Variants in GRM8 observed in about 807,000 individuals in gnomAD.
GRM8 encodes metabotropic glutamate receptor 8.
In GRM8, 47 loss-of-function variants were observed where a neutral mutation model predicts 87.2. The observed-to-expected ratio is 0.54, with a 90% CI of 0.43 to 0.69. The LOEUF (loss-of-function observed/expected upper bound fraction) is 0.69, where lower values mean the gene tolerates loss of function less well. GRM8 is among the 30% of genes least tolerant of loss of function. GRM8 has a pLI of 0.00. For missense variants in GRM8, 1,019 were observed against 1,139.2 expected (o/e 0.89, Z 1.52); for synonymous variants, 396 against 404.5 (o/e 0.98, Z 0.25).
chr7:126,993,760 A>C (rs1356299439), intron 3 of GRM8, among the ~76,000 whole-genome samples: 2 of 152,214 alleles, frequency 1.3e-5, no homozygotes, highest in African/African-American at 2.4e-5. Context: ...GAACTCAGCC[A>C]GTGCCCACAC....
chr7:126,518,495 T>A (rs979917323), intron 9 of GRM8, among the ~76,000 whole-genome samples: 5 of 152,078 alleles, frequency 3.3e-5, no homozygotes, highest in Non-Finnish European at 7.4e-5. Context: ...ATCCTTTTTC[T>A]CTTTCTGCCT....
chr7:126,709,685 A>C (rs1810903603), intron 7 of GRM8, among the ~76,000 whole-genome samples: 1 of 152,200 alleles, frequency 6.6e-6, no homozygotes, highest in South Asian at 2.1e-4. Flanking sequence ...TATCTAAAAA[A>C]TAAAATAAAT....
intron 9 of GRM8, among the ~76,000 whole-genome samples, chr7:126,453,932 T>G (rs1015376227): frequency 3.3e-5 from 5 of 151,786 alleles, no homozygotes; most frequent in Admixed American, 6.6e-5. Flanking sequence ...TTACAGGTAT[T>G]TTTGCTCATG....
At chr7:126,995,131 T>C (rs1813055296) in intron 3 of GRM8, among the ~76,000 whole-genome samples, 1 of 152,214 alleles carries the variant, frequency 6.6e-6, no homozygotes, top group South Asian at 2.1e-4. Context: ...TTCCAGACCT[T>C]ATCTAAGACC....
intron 5 of GRM8, 114 bp from the exon 6 acceptor site, chr7:126,902,793 CAT>C (rs1313090942): frequency 1.5e-6 from 1 of 675,524 alleles, no homozygotes; most frequent in Non-Finnish European, 2.3e-6. Flanking sequence ...AAACAAAACA[CAT>C]AACAAATGAG....
intron 3 of GRM8, among the ~76,000 whole-genome samples, chr7:127,065,467 C>T (rs1273774453): frequency 1.3e-5 from 2 of 152,154 alleles, no homozygotes; most frequent in Non-Finnish European, 2.9e-5. Flanking sequence ...AACCCCATGA[C>T]ACTTGTTTAC....
chr7:127,129,225 T>C (rs1827542692), intron 2 of GRM8, among the ~76,000 whole-genome samples: 1 of 152,104 alleles, frequency 6.6e-6, no homozygotes, highest in African/African-American at 2.4e-5. Flanking sequence ...AACCAGAAAA[T>C]TATTAGCCTT....
chr7:127,043,602 C>T (rs1412523051), intron 3 of GRM8, among the ~76,000 whole-genome samples: 4 of 152,044 alleles, frequency 2.6e-5, no homozygotes, highest in East Asian at 1.9e-4. Context: ...ACATCACACA[C>T]GGGGCCTGTT....
In GRM8 at chr7:126,937,493, C is replaced by T. The variant is rs370987950; in HGVS notation, c.728-32810G>A. Among the ~76,000 whole-genome samples the T allele has an allele frequency of 2.0e-5, 3 of 152,208 alleles. No homozygotes were observed. The East Asian group carries it at 5.8e-4, about 29-fold the overall frequency. On this transcript the variant is annotated intron_variant, in intron 3 of 10. Transcript: ENST00000339582. Reference sequence around the variant, plus strand: ...CTGCACCAGTAGAAAGCAAGCTGTACAAGGAGGGAAGCTACCAATGAGGGC... The same window carrying T: ...CTGCACCAGTAGAAAGCAAGCTGTATAAGGAGGGAAGCTACCAATGAGGGC...
At chr7:127,033,681 G>T (rs1817595143) in intron 3 of GRM8, among the ~76,000 whole-genome samples, 2 of 152,044 alleles carry the variant, frequency 1.3e-5, no homozygotes, top group African/African-American at 4.8e-5. Flanking sequence ...TATTGATTAT[G>T]CAGAACACTA....
At chr7:126,689,006 G>A (rs961439175) in intron 7 of GRM8, among the ~76,000 whole-genome samples, 9 of 152,272 alleles carry the variant, frequency 5.9e-5, no homozygotes, top group Non-Finnish European at 1.3e-4. Flanking sequence ...GGCTTCCTCA[G>A]AAAACTCTGG....
intron 9 of GRM8, among the ~76,000 whole-genome samples, chr7:126,492,951 T>G (rs932992566): frequency 6.6e-6 from 1 of 152,030 alleles, no homozygotes; most frequent in East Asian, 1.9e-4. Flanking sequence ...ATGTAAAACA[T>G]ATCAGTATGG....
chr7:126,804,638 C>A (rs1421171554), intron 6 of GRM8, among the ~76,000 whole-genome samples: 4 of 152,176 alleles, frequency 2.6e-5, no homozygotes, highest in African/African-American at 9.7e-5. Context: ...AAGACACCTG[C>A]ATTTTATCCT....
intron 3 of GRM8, among the ~76,000 whole-genome samples, chr7:127,095,437 A>C (rs1018341646): frequency 1.3e-5 from 2 of 152,234 alleles, no homozygotes; most frequent in Non-Finnish European, 2.9e-5. Context: ...GTAAAGCCAC[A>C]CACTGATTGC....
chr7:126,973,106 T>C (rs1030905478), intron 3 of GRM8, among the ~76,000 whole-genome samples: 1 of 152,276 alleles, frequency 6.6e-6, no homozygotes, highest in Non-Finnish European at 1.5e-5. Context: ...GTGGTCTTAA[T>C]AGGTCTAATA....
At chr7:126,801,835 C>A (rs1290602288) in intron 6 of GRM8, among the ~76,000 whole-genome samples, 3 of 151,948 alleles carry the variant, frequency 2.0e-5, no homozygotes, top group African/African-American at 7.3e-5. Context: ...TCCTTTGCTT[C>A]GAGTCAGATT....
intron 2 of GRM8, among the ~76,000 whole-genome samples, chr7:127,186,067 G>A (rs1158365420): frequency 6.6e-6 from 1 of 152,108 alleles, no homozygotes; most frequent in Non-Finnish European, 1.5e-5. Context: ...AAAACAAAAA[G>A]AGCTTTAGGA....
At chr7:126,439,579 G>T (rs1801218835) in intron 10 of GRM8, among the ~76,000 whole-genome samples, 2 of 152,062 alleles carry the variant, frequency 1.3e-5, no homozygotes, top group Admixed American at 6.6e-5. Flanking sequence ...CTATGTTGCT[G>T]GTTTAAATAT....
At chr7:127,129,374 T>A (rs1016283254) in intron 2 of GRM8, among the ~76,000 whole-genome samples, 3 of 152,182 alleles carry the variant, frequency 2.0e-5, no homozygotes, top group Non-Finnish European at 4.4e-5. Flanking sequence ...GTACTCAGCA[T>A]CTTTGAGAAA....
Sources: gnomAD v4.1 joint callset for allele counts (sites outside exome capture counted in the v4.1 genomes callset) on GRCh38, gnomAD v4.1.1 for gene constraint, MANE v1.5 for transcripts, NCBI Gene and HGNC (gene_info 2026-07-23, HGNC 2026-07-21) for gene names.